Variants in RBFOX1 observed in about 807,000 individuals in gnomAD.
RBFOX1 encodes RNA binding protein fox-1 homolog 1.
Under a neutral mutation model 57.7 loss-of-function variants are expected in RBFOX1, and 8 were observed. That is an observed-to-expected ratio of 0.14 (90% CI 0.08 to 0.25). RBFOX1 has a LOEUF of 0.25. Among genes scored for constraint, RBFOX1 ranks in the 10% least tolerant of loss-of-function variants. The pLI is 1.00. For synonymous variants in RBFOX1, 326 were observed against 222.4 expected (o/e 1.47, Z -4.15); for missense variants, 611 against 548.5 (o/e 1.11, Z -1.14).
Position 7,252,856 on chromosome 16 carries a change from C to T in RBFOX1, c.27+200758C>T, listed in dbSNP as rs543889566. 3.3e-5 allele frequency among the ~76,000 whole-genome samples: 5 copies of T among 152,164 alleles called. No individual in the cohort carries two copies. In the South Asian group the frequency reaches 1.0e-3, roughly 32 times the overall value. The stretch of plus-strand genomic sequence containing the variant: ...GGTACCTAAATTCAGACCAAGTGAT[C>T]TTTCCCTAACTCATATGACCTACCC... On this transcript the variant is annotated intron_variant, in intron 4 of 15. Coordinates refer to ENST00000550418, the MANE Select transcript of RBFOX1 (RefSeq NM_018723.4).
chr16:5,708,841 A>C (rs2051347692), intron 3 of RBFOX1, among the ~76,000 whole-genome samples: 5 of 152,184 alleles, frequency 3.3e-5, no homozygotes, highest in Admixed American at 2.6e-4. Flanking sequence ...CACAATTTCT[A>C]ACTTTTGGAA....
intron 14 of RBFOX1, among the ~76,000 whole-genome samples, chr16:7,696,506 A>G (rs1394563427): frequency 6.6e-6 from 1 of 152,112 alleles, no homozygotes; most frequent in Non-Finnish European, 1.5e-5. Flanking sequence ...ATGAGAATGG[A>G]GGTTGAAAAG....
chr16:7,445,172 C>T (rs1410212558), intron 4 of RBFOX1, among the ~76,000 whole-genome samples: 1 of 151,928 alleles, frequency 6.6e-6, no homozygotes, highest in Non-Finnish European at 1.5e-5. Context: ...TGTGCCTGGG[C>T]AGTTAGCAAG....
At chr16:6,360,339 T>C (rs2191419) in intron 2 of RBFOX1, among the ~76,000 whole-genome samples, 44,447 of 151,938 alleles carry the variant, frequency 0.29, 7,305 homozygotes, top group African/African-American at 0.44. Context: ...TGTTATTGGC[T>C]ATATATTTAA....
intron 5 of RBFOX1, among the ~76,000 whole-genome samples, chr16:7,541,873 C>T (rs887460186): frequency 3.9e-5 from 6 of 152,174 alleles, no homozygotes; most frequent in Non-Finnish European, 8.8e-5. Flanking sequence ...AAGAAATCTC[C>T]CAGGCCATTC....
chr16:7,083,176 C>T (rs923990354), intron 4 of RBFOX1, among the ~76,000 whole-genome samples: 1 of 152,018 alleles, frequency 6.6e-6, no homozygotes, highest in East Asian at 1.9e-4. Flanking sequence ...TTGCTGACAC[C>T]CCCCGAGGGG....
intron 3 of RBFOX1, among the ~76,000 whole-genome samples, chr16:6,845,041 T>A (rs1264427286): frequency 1.3e-5 from 2 of 152,214 alleles, no homozygotes; most frequent in Non-Finnish European, 2.9e-5. Context: ...ATGTTTTTCT[T>A]GCACATTTGC....
chr16:5,476,442 CTACT>C (rs1246572257), intron 2 of RBFOX1, among the ~76,000 whole-genome samples: 1 of 152,146 alleles, frequency 6.6e-6, no homozygotes, highest in Non-Finnish European at 1.5e-5. Context: ...GTCGTTCTCC[CTACT>C]TAATTGACAT....
At chr16:6,551,944 G>T (rs1181571625) in intron 2 of RBFOX1, among the ~76,000 whole-genome samples, 1 of 152,124 alleles carries the variant, frequency 6.6e-6, no homozygotes, top group Non-Finnish European at 1.5e-5. Context: ...GAGTTATTTG[G>T]ATTTCAGAAG....
At chr16:7,387,822 A>G (rs868609085) in intron 4 of RBFOX1, among the ~76,000 whole-genome samples, 46 of 152,036 alleles carry the variant, frequency 3.0e-4, no homozygotes, top group African/African-American at 8.5e-4. Flanking sequence ...GGGCTTCGCC[A>G]TCAGTTTAAA....
chr16:6,260,558 T>C (rs1425892151), intron 1 of RBFOX1, among the ~76,000 whole-genome samples: 1 of 152,122 alleles, frequency 6.6e-6, no homozygotes, highest in Non-Finnish European at 1.5e-5. Flanking sequence ...TAAATATCTG[T>C]ATTAAGATAT....
At chr16:6,574,449 G>A (rs2097394961) in intron 2 of RBFOX1, among the ~76,000 whole-genome samples, 1 of 91,280 alleles carries the variant, frequency 1.1e-5, no homozygotes, top group Admixed American at 1.6e-4. Flanking sequence ...TTTTTTTTGA[G>A]ACTGAGTCTT....
At chr16:7,048,524 G>A (rs1491004221) in intron 3 of RBFOX1, among the ~76,000 whole-genome samples, 2 of 150,082 alleles carry the variant, frequency 1.3e-5, no homozygotes, top group Non-Finnish European at 3.0e-5. Flanking sequence ...CTTCCAAAGT[G>A]CTGGGATTAC....
chr16:7,496,177 T>A (rs2068577651), intron 4 of RBFOX1, among the ~76,000 whole-genome samples: 1 of 152,206 alleles, frequency 6.6e-6, no homozygotes, highest in Non-Finnish European at 1.5e-5. Context: ...AGGGTCTTGC[T>A]CTGTCTCCCA....
rs1029207054 is a variant in RBFOX1, at chr16:7,711,317, A to G, written c.*572A>G. On this transcript the variant is annotated 3_prime_UTR_variant, in exon 16 of 16. Coordinates refer to ENST00000550418, the MANE Select transcript of RBFOX1 (RefSeq NM_018723.4). The stretch of plus-strand genomic sequence containing the variant: ...GTTCTAAGTTACTCATTGCCAGTTC[A>G]AGCCAAAGGTCATGTTGTTAAGGGG... The G allele has an allele frequency of 6.6e-6, 1 of 152,590 alleles. No homozygotes were observed. The highest frequency in any genetic ancestry group is 1.5e-5 in the Non-Finnish European group (1 of 68,060). 9.5% of individuals were successfully genotyped at this position (152,590 alleles called of 1,614,324 possible).
At chr16:7,318,232 T>A (rs537569187) in intron 4 of RBFOX1, among the ~76,000 whole-genome samples, 1 of 151,772 alleles carries the variant, frequency 6.6e-6, no homozygotes, top group South Asian at 2.1e-4. Flanking sequence ...GCCATGGTAA[T>A]GGAGTTGGGA....
chr16:5,286,450 AG>A (rs568897122), intron 1 of RBFOX1, among the ~76,000 whole-genome samples: 113 of 152,318 alleles, frequency 7.4e-4, no homozygotes, highest in African/African-American at 2.6e-3. Flanking sequence ...CAGGGGAGTC[AG>A]TCTCCAGGCC....
intron 9 of RBFOX1, among the ~76,000 whole-genome samples, chr16:7,605,605 C>T (rs2095253198): frequency 6.6e-6 from 1 of 152,136 alleles, no homozygotes; most frequent in South Asian, 2.1e-4. Flanking sequence ...CCTCTGTTTT[C>T]CTTAGTGGAT....
chr16:5,898,451 C>G (rs536040289), intron 4 of RBFOX1, among the ~76,000 whole-genome samples: 1 of 151,748 alleles, frequency 6.6e-6, no homozygotes, highest in Non-Finnish European at 1.5e-5. Flanking sequence ...TCATCCTGGC[C>G]TAGAGAATAA....
Sources: gnomAD v4.1 joint callset for allele counts (sites outside exome capture counted in the v4.1 genomes callset) on GRCh38, gnomAD v4.1.1 for gene constraint, MANE v1.5 for transcripts, NCBI Gene and HGNC (gene_info 2026-07-23, HGNC 2026-07-21) for gene names.